RIPOR2: variants seen among roughly 807,000 people sequenced by gnomAD.
RIPOR2 encodes RHO family interacting cell polarization regulator 2.
RIPOR2 carries 39 observed loss-of-function variants against 114.5 expected under a neutral mutation model. That is an observed-to-expected ratio of 0.34 (90% CI 0.26 to 0.44). The LOEUF is 0.44. Ranked by LOEUF, RIPOR2 falls within the 20% of genes least tolerant of loss-of-function variation. RIPOR2 has a pLI of 1.00. For synonymous variants in RIPOR2, 445 were observed against 484.4 expected (o/e 0.92, Z 1.07); for missense variants, 1,007 against 1,255.1 (o/e 0.80, Z 2.99).
intron 20 of RIPOR2, 66 bp from the exon 21 acceptor site, chr6:24,809,873 A>G (rs1781028425): frequency 2.9e-6 from 3 of 1,047,308 alleles, no homozygotes; most frequent in Non-Finnish European, 4.4e-6. Flanking sequence ...GAGACTTGGC[A>G]TTTCACAACT....
chr6:24,907,533 A>AACAAG (rs1561759987), intron 1 of RIPOR2, among the ~76,000 whole-genome samples: 1 of 152,198 alleles, frequency 6.6e-6, no homozygotes, highest in Non-Finnish European at 1.5e-5. Context: ...AACAAAACAA[A>AACAAG]ACAAGACAAA....
chr6:24,839,214 G>A lies in RIPOR2; in HGVS notation c.1916C>T (p.Ala639Val). The change falls in exon 14 of 22, where the codon GCT (alanine) becomes GTT (valine). Residue 639 changes from alanine to valine, a missense_variant. Coordinates refer to ENST00000643898, the MANE Select transcript of RIPOR2 (RefSeq NM_001286445.3). ...SSSLSLTVES[A>V]LESFDFLNTS... is the part of the protein sequence containing the mutation. ...GTTCAGGAAATCAAAGCTTTCTAAA[G>A]CACTTTCAACTGTGAGACTTAAACT... 5.2e-6 allele frequency: 8 copies of A among 1,551,808 alleles called. No homozygotes were observed. The highest frequency in any genetic ancestry group is 7.0e-6 in the Non-Finnish European group (8 of 1,147,002).
intron 13 of RIPOR2, chr6:24,840,866 A>C (rs1761642525): frequency 6.6e-6 from 8 of 1,216,692 alleles, no homozygotes; most frequent in Middle Eastern, 2.0e-4. Flanking sequence ...CCCAGACCTA[A>C]ACACACTCAC....
intron 1 of RIPOR2, among the ~76,000 whole-genome samples, chr6:24,988,614 A>T (rs1317048992): frequency 6.6e-6 from 1 of 152,202 alleles, no homozygotes; most frequent in Non-Finnish European, 1.5e-5. Flanking sequence ...TCAAAGAATA[A>T]TGATTGTGTA....
rs779755834 is a variant in RIPOR2, at chr6:24,869,145, T to C, written c.450A>G (p.Gln150=). ...RLGVLYDLDK[Q]IKTIERYMRR... Reference sequence around the variant, plus strand: ...TCATGTATCTTTCAATTGTTTTAATTTGCTGGAATTAAAAGAAGTTTGAAA... The same window carrying C: ...TCATGTATCTTTCAATTGTTTTAATCTGCTGGAATTAAAAGAAGTTTGAAA... The change falls in exon 6 of 22, where the codon CAA becomes CAG. Residue 150 remains glutamine, a splice_region_variant and synonymous_variant. Coordinates refer to ENST00000643898, the MANE Select transcript of RIPOR2 (RefSeq NM_001286445.3). The C allele has an allele frequency of 6.4e-7, 1 of 1,563,340 alleles. No homozygotes were observed. The highest frequency in any genetic ancestry group is 1.1e-5 in the South Asian group (1 of 87,798).
chr6:24,861,099 G>A (rs769522640), intron 7 of RIPOR2, 63 bp from the exon 8 acceptor site: 7 of 1,166,584 alleles, frequency 6.0e-6, no homozygotes, highest in East Asian at 4.9e-5. Context: ...CAAAGCACAC[G>A]ACGTTCGAAC....
At chr6:24,877,060 G>A in intron 1 of RIPOR2, 3 of 985,184 alleles carry the variant, frequency 3.0e-6, no homozygotes, top group Non-Finnish European at 3.6e-6. Flanking sequence ...ACAACAAATC[G>A]GTATGTTTGC....
intron 1 of RIPOR2, among the ~76,000 whole-genome samples, chr6:24,949,613 T>A (rs1426922346): frequency 6.6e-6 from 1 of 152,228 alleles, no homozygotes; most frequent in African/African-American, 2.4e-5. Flanking sequence ...GCTTGCTTTT[T>A]CCAGTGGGGA....
chr6:24,929,905 C>T (rs1771243276), intron 1 of RIPOR2, among the ~76,000 whole-genome samples: 2 of 151,794 alleles, frequency 1.3e-5, no homozygotes, highest in South Asian at 2.1e-4. Context: ...GAGAGGCTGG[C>T]TTTACAAAAA....
At chr6:24,838,973 T>C in intron 14 of RIPOR2, 118 bp downstream of exon 14, 1 of 788,340 alleles carries the variant, frequency 1.3e-6, no homozygotes, top group South Asian at 2.2e-5. Flanking sequence ...AACTGGTCAC[T>C]CATGTGGAGA....
chr6:24,827,330 G>A (rs745565917), intron 18 of RIPOR2, among the ~76,000 whole-genome samples: 19 of 152,276 alleles, frequency 1.2e-4, no homozygotes, highest in Middle Eastern at 3.4e-3. Flanking sequence ...GCCACCCAAT[G>A]TGCTGACTGT....
intron 1 of RIPOR2, among the ~76,000 whole-genome samples, chr6:25,012,038 A>G (rs550075249): frequency 4.9e-4 from 75 of 152,326 alleles, no homozygotes; most frequent in Non-Finnish European, 8.5e-4. Context: ...TAACAATAAA[A>G]AGACAAATAA....
rs138167030 is a variant in RIPOR2 at position 24,840,709 on chromosome 6, C to A, written c.1858-1437G>T. 58 of 1,535,390 alleles carry A rather than the reference C, an allele frequency of 3.8e-5. No homozygotes were observed. The African/African-American group carries it at 6.6e-4, about 17-fold the overall frequency. ...TCTTTTAAATCACAGTTGTCTCATT[C>A]ACCCTCAGTGATCTCCGTCCAAGAG... On this transcript the variant is annotated intron_variant, in intron 13 of 21. Transcript: ENST00000643898.
intron 1 of RIPOR2, among the ~76,000 whole-genome samples, chr6:25,034,602 G>C (rs1387548045): frequency 6.6e-6 from 1 of 152,196 alleles, no homozygotes; most frequent in Non-Finnish European, 1.5e-5. Flanking sequence ...GGGCTCTTTA[G>C]ATCCTTCATC....
chr6:24,952,201 A>G (rs911076659), intron 1 of RIPOR2, among the ~76,000 whole-genome samples: 3 of 152,214 alleles, frequency 2.0e-5, no homozygotes, highest in Non-Finnish European at 2.9e-5. Context: ...TGCAAGGTAA[A>G]GCGCAGAATA....
Position 24,841,363 on chromosome 6 carries a change from T to C in RIPOR2, c.1857+1499A>G, listed in dbSNP as rs558482506. Among the ~76,000 whole-genome samples, 3 of 152,252 alleles carry C rather than the reference T, an allele frequency of 2.0e-5. No individual in the cohort carries two copies. In the South Asian group the frequency reaches 6.2e-4, roughly 32 times the overall value. On this transcript the variant is annotated intron_variant, in intron 13 of 21. Transcript: ENST00000643898. Reference sequence around the variant, plus strand: ...TATACAAGCCCTGAGCTGATGGTTTTGAACTGATATTTTACAGAAAGTAGA... The same window carrying C: ...TATACAAGCCCTGAGCTGATGGTTTCGAACTGATATTTTACAGAAAGTAGA...
rs1157723546 is a variant in RIPOR2, at chr6:24,883,104, C to T, written c.62-7287G>A. ...ATAGCTAGATGCTACTGTCTTAACC[C>T]TTATGGTGTTTTCCTTTTTTAAAAA... On this transcript the variant is annotated intron_variant, in intron 1 of 21. Coordinates refer to ENST00000643898, the MANE Select transcript of RIPOR2 (RefSeq NM_001286445.3). The surrounding 1 kb of genome is among the most constrained non-coding windows in gnomAD (Gnocchi z 4.1). Among the ~76,000 whole-genome samples, 1 of 152,174 alleles carries T rather than the reference C, an allele frequency of 6.6e-6. No homozygotes were observed. Among genetic ancestry groups the T allele is most frequent in the Admixed American group, 6.5e-5 (1 of 15,274 alleles).
chr6:25,009,545 G>C (rs1276853659), intron 1 of RIPOR2, among the ~76,000 whole-genome samples: 1 of 152,102 alleles, frequency 6.6e-6, no homozygotes, highest in Non-Finnish European at 1.5e-5. Context: ...GAAACCAAAA[G>C]AAGAAACCAC....
At chr6:25,031,732 T>A (rs1271705207) in intron 1 of RIPOR2, among the ~76,000 whole-genome samples, 25 of 105,934 alleles carry the variant, frequency 2.4e-4, no homozygotes, top group African/African-American at 9.5e-4. Context: ...TATATATATA[T>A]ATATATATAT....
Sources: allele counts gnomAD v4.1 joint callset (sites outside exome capture counted in the v4.1 genomes callset), GRCh38; gene constraint gnomAD v4.1.1; non-coding constraint Gnocchi (gnomAD v3.1); transcripts MANE v1.5; gene names NCBI Gene and HGNC (gene_info 2026-07-23, HGNC 2026-07-21).